The following FBXO15 variants were observed in gnomAD, a reference collection of about 807,000 sequenced individuals.
The protein encoded by FBXO15 is F-box protein 15, also known as F-box only protein 15.
A neutral mutation model predicts 49.5 loss-of-function variants in FBXO15; 30 were observed. The ratio of observed to expected loss-of-function variants is 0.61; its 90% CI spans 0.45 to 0.82. The LOEUF (loss-of-function observed/expected upper bound fraction) is 0.82, where lower values mean the gene tolerates loss of function less well. Among genes scored for constraint, FBXO15 ranks in the 40% least tolerant of loss-of-function variants. The pLI, the probability that FBXO15 is intolerant of heterozygous loss-of-function variation, is 0.00. For synonymous variants in FBXO15, 250 were observed against 232.7 expected (o/e 1.07, Z -0.68); for missense variants, 591 against 631.5 (o/e 0.94, Z 0.69).
intron 8 of FBXO15, 73 bp downstream of exon 8, chr18:74,123,295 C>T: frequency 6.6e-7 from 1 of 1,507,050 alleles, no homozygotes; most frequent in Non-Finnish European, 9.0e-7. Flanking sequence ...CAATTCTTAA[C>T]TCGGACATCA....
In FBXO15 at chr18:74,142,665, TATAAGG is replaced by T. The variant is rs1371610157; in HGVS notation, c.117-2359_117-2354del. Among the ~76,000 whole-genome samples the T allele has an allele frequency of 7.2e-5, 11 of 152,276 alleles. No homozygotes were observed. In the South Asian group the frequency reaches 8.3e-4, roughly 11 times the overall value. ...GCATATCTGTCTCTGTGCCTCTTCTTATAAGGATATCATTCATATTGCACTTAGGAC... is the reference window on the plus strand; with the variant it reads ...GCATATCTGTCTCTGTGCCTCTTCTTATATCATTCATATTGCACTTAGGAC... On this transcript the variant is annotated intron_variant, in intron 1 of 9. Transcript: ENST00000419743.
intron 8 of FBXO15, among the ~76,000 whole-genome samples, chr18:74,090,341 T>C (rs1003492796): frequency 1.6e-4 from 24 of 152,220 alleles, no homozygotes; most frequent in African/African-American, 5.8e-4. Flanking sequence ...GTCTTAATTT[T>C]TTCAAAAAAA....
intron 2 of FBXO15, among the ~76,000 whole-genome samples, chr18:74,137,335 TTTTGA>T (rs1167158595): frequency 2.0e-5 from 3 of 152,254 alleles, no homozygotes; most frequent in Admixed American, 6.5e-5. Flanking sequence ...AATTTTTATA[TTTTGA>T]TTTAACTATT....
chr18:74,077,488 G>T (rs1326360116), intron 9 of FBXO15, among the ~76,000 whole-genome samples: 2 of 152,196 alleles, frequency 1.3e-5, no homozygotes, highest in East Asian at 3.9e-4. Context: ...CTTGCTCCCT[G>T]ATGCCTTTCC....
intron 8 of FBXO15, among the ~76,000 whole-genome samples, chr18:74,102,667 C>A (rs929914341): frequency 2.0e-5 from 3 of 152,112 alleles, no homozygotes; most frequent in African/African-American, 7.2e-5. Flanking sequence ...ATTTTTATAG[C>A]AGCACAGTTC....
chr18:74,084,915 G>C (rs1011720591), intron 8 of FBXO15, among the ~76,000 whole-genome samples: 3 of 152,056 alleles, frequency 2.0e-5, no homozygotes, highest in African/African-American at 7.2e-5. Context: ...GATTATGTAT[G>C]CCAAGCTAAG....
At chr18:74,085,009 G>T (rs1912676187) in intron 8 of FBXO15, among the ~76,000 whole-genome samples, 1 of 152,006 alleles carries the variant, frequency 6.6e-6, no homozygotes, top group Non-Finnish European at 1.5e-5. Flanking sequence ...AGAATGTGGA[G>T]ATGTGCCATG....
intron 8 of FBXO15, among the ~76,000 whole-genome samples, chr18:74,105,649 T>C (rs1025182177): frequency 4.6e-5 from 7 of 152,020 alleles, no homozygotes; most frequent in African/African-American, 1.7e-4. Flanking sequence ...GGTTTCAGCA[T>C]GTTGGTCAGG....
intron 8 of FBXO15, among the ~76,000 whole-genome samples, chr18:74,101,284 T>C (rs55698187): frequency 2.6e-5 from 4 of 152,088 alleles, no homozygotes; most frequent in African/African-American, 9.7e-5. Flanking sequence ...ATACACCACA[T>C]AAACAGAATT....
At chr18:74,134,419 A>G (rs1488997588) in intron 3 of FBXO15, among the ~76,000 whole-genome samples, 7 of 138,324 alleles carry the variant, frequency 5.1e-5, no homozygotes, top group African/African-American at 8.2e-5. Flanking sequence ...CACCCAGGCT[A>G]GAGTGCAGTG....
chr18:74,105,214 A>G (rs1335822025), intron 8 of FBXO15, among the ~76,000 whole-genome samples: 1 of 152,184 alleles, frequency 6.6e-6, no homozygotes, highest in Non-Finnish European at 1.5e-5. Flanking sequence ...TTGACAGAAG[A>G]GATAAAACCT....
chr18:74,094,744 TTAAAG>T (rs1269338769), intron 8 of FBXO15, among the ~76,000 whole-genome samples: 1 of 152,224 alleles, frequency 6.6e-6, no homozygotes, highest in Non-Finnish European at 1.5e-5. Flanking sequence ...TGGCTTGAAC[TTAAAG>T]TAAACAGCTG....
chr18:74,129,654 GAAA>G, intron 4 of FBXO15, 40 bp from the exon 5 acceptor site: 6 of 1,244,836 alleles, frequency 4.8e-6, no homozygotes, highest in Non-Finnish European at 5.5e-6. Context: ...TTGCCTCATT[GAAA>G]AAAAAAAAAT....
chr18:74,136,540 C>T (rs950023484), intron 2 of FBXO15, among the ~76,000 whole-genome samples: 2 of 152,148 alleles, frequency 1.3e-5, no homozygotes, highest in African/African-American at 2.4e-5. Context: ...TCGCCCACAC[C>T]GATCCCAGGC....
At chr18:74,128,305 C>CA (rs1978298149) in intron 5 of FBXO15, among the ~76,000 whole-genome samples, 1 of 143,436 alleles carries the variant, frequency 7.0e-6, no homozygotes, top group African/African-American at 2.6e-5. Context: ...GGAGAGGAGC[C>CA]AAAAACAAGG....
intron 3 of FBXO15, 28 bp downstream of exon 3, chr18:74,135,734 C>T: frequency 6.5e-7 from 1 of 1,548,982 alleles, no homozygotes; most frequent in Non-Finnish European, 8.8e-7. Context: ...GTCATCAAAA[C>T]ATAACAGAGA....
intron 2 of FBXO15, among the ~76,000 whole-genome samples, chr18:74,136,482 T>C (rs573790620): frequency 6.6e-6 from 1 of 152,300 alleles, no homozygotes; most frequent in Non-Finnish European, 1.5e-5. Flanking sequence ...ACAGAATCTC[T>C]TTCCCCAAAA....
chr18:74,140,076 T>C (rs1978970403), intron 2 of FBXO15, 126 bp downstream of exon 2: 1 of 669,434 alleles, frequency 1.5e-6, no homozygotes, highest in Non-Finnish European at 2.4e-6. Context: ...TGCTGTACTG[T>C]CTTCCTACAC....
intron 8 of FBXO15, among the ~76,000 whole-genome samples, chr18:74,089,035 T>C (rs569357322): frequency 2.6e-5 from 4 of 152,318 alleles, no homozygotes; most frequent in African/African-American, 7.2e-5. Context: ...GTTACACAGA[T>C]AAATGTGTGT....
Sources: gnomAD v4.1 joint callset for allele counts (sites outside exome capture counted in the v4.1 genomes callset) on GRCh38, gnomAD v4.1.1 for gene constraint, MANE v1.5 for transcripts, NCBI Gene and HGNC (gene_info 2026-07-23, HGNC 2026-07-21) for gene names.